Variants in PURA observed in about 807,000 individuals in gnomAD.
The protein encoded by PURA is purine rich element binding protein A, also known as transcriptional activator protein Pur-alpha.
PURA carries 2 observed loss-of-function variants against 23.1 expected under a neutral mutation model. That is an observed-to-expected ratio of 0.09 (90% CI 0.04 to 0.27). PURA has a LOEUF of 0.27. Ranked by LOEUF, PURA falls within the 10% of genes least tolerant of loss-of-function variation. The probability of loss-of-function intolerance (pLI) is 1.00; values close to 1 mark genes in which losing one functional copy is unlikely to be tolerated. For synonymous variants in PURA, 254 were observed against 205.9 expected, an observed-to-expected ratio of 1.23 and a Z score of -2.00; for missense variants, 187 against 449.7, an observed-to-expected ratio of 0.42 and a Z score of 5.28.
rs956429207 is a variant in PURA, at chr5:140,123,129, A to G, written c.*7979A>G. Reference sequence around the variant, plus strand: ...ATTGTGTCAGATTTTAAATTATAATAGTTATATACTATAACTCATTTAAGT... The same window carrying G: ...ATTGTGTCAGATTTTAAATTATAATGGTTATATACTATAACTCATTTAAGT... On this transcript the variant is annotated 3_prime_UTR_variant, in exon 1 of 1. Coordinates refer to ENST00000331327, the MANE Select transcript of PURA (RefSeq NM_005859.5). 6.0e-6 allele frequency: 1 copy of G among 166,946 alleles called. No individual in the cohort carries two copies. Among genetic ancestry groups the G allele is most frequent in the Non-Finnish European group, 1.5e-5 (1 of 68,036 alleles). 10.3% of individuals were successfully genotyped at this position (166,946 alleles called of 1,614,324 possible).
rs545287968 is a variant in PURA, at chr5:140,115,441, A to C, written c.*291A>C. 4.4e-6 allele frequency: 1 copy of C among 227,662 alleles called. No homozygotes were observed. Among genetic ancestry groups the C allele is most frequent in the Non-Finnish European group, 9.2e-6 (1 of 108,356 alleles). 14.1% of individuals were successfully genotyped at this position (227,662 alleles called of 1,614,324 possible). A position where few individuals can be genotyped will look rare whatever the true frequency, so the allele number is the denominator to read the frequency against. ...TACAAAAAGTAATAACATTATATGA[A>C]CTGTGTTTCCTACTTGATTAAAAAA... On this transcript the variant is annotated 3_prime_UTR_variant, in exon 1 of 1. Coordinates refer to ENST00000331327, the MANE Select transcript of PURA (RefSeq NM_005859.5). This position sits in a 1 kb window ranked among gnomAD's most constrained non-coding sequence, Gnocchi z 4.1.
chr5:140,115,180 C>A lies in PURA; in HGVS notation c.*30C>A. 1 of 1,198,122 alleles carries A rather than the reference C, an allele frequency of 8.3e-7. No homozygotes were observed. Among genetic ancestry groups the A allele is most frequent in the African/African-American group, 1.5e-5 (1 of 64,952 alleles). The allele number at this position is 1,198,122 out of a possible 1,614,324, so 74.2% of individuals were successfully genotyped here. ...ACTGAATGAAACCCCCACACACACA[C>A]ACATGCATACACACACACACACAGC... On this transcript the variant is annotated 3_prime_UTR_variant, in exon 1 of 1. Coordinates refer to ENST00000331327, the MANE Select transcript of PURA (RefSeq NM_005859.5). The surrounding 1 kb of genome is among the most constrained non-coding windows in gnomAD (Gnocchi z 4.1).
chr5:140,114,406 G>C lies in PURA; in HGVS notation c.225G>C (p.Leu75=). The C allele has an allele frequency of 6.2e-7, 1 of 1,612,588 alleles. No individual in the cohort carries two copies. Among genetic ancestry groups the C allele is most frequent in the Non-Finnish European group, 8.5e-7 (1 of 1,179,734 alleles). The change falls in exon 1 of 1, where the codon CTG becomes CTC. Residue 75 remains leucine (L), a synonymous_variant. Coordinates refer to ENST00000331327, the MANE Select transcript of PURA (RefSeq NM_005859.5). ...ACATCCAGAACAAGCGCTTCTACCT[G>C]GACGTGAAGCAGAACGCCAAGGGCC... The part of the protein sequence containing the change: ...RVDIQNKRFY[L]DVKQNAKGRF...
In PURA at chr5:140,119,314, AAC is replaced by A. The variant is rs1763124091; in HGVS notation, c.*4166_*4167del. 6.0e-6 allele frequency: 1 copy of A among 166,846 alleles called. No homozygotes were observed. Among genetic ancestry groups the A allele is most frequent in the African/African-American group, 2.4e-5 (1 of 41,438 alleles). 10.3% of individuals were successfully genotyped at this position (166,846 alleles called of 1,614,324 possible). A position where few individuals can be genotyped will look rare whatever the true frequency, so the allele number is the denominator to read the frequency against. ...AAATTTTTAGGTATTTAATTTGTAA[AAC>A]AGTTTGCTTTGTACTGGCATACAGA... On this transcript the variant is annotated 3_prime_UTR_variant, in exon 1 of 1. Transcript: ENST00000331327.
rs1472933044 is a variant in PURA, at chr5:140,117,706, T to C, written c.*2556T>C. The C allele has an allele frequency of 6.0e-6, 1 of 165,974 alleles. No individual in the cohort carries two copies. Among genetic ancestry groups the C allele is most frequent in the Non-Finnish European group, 1.5e-5 (1 of 68,112 alleles). The allele number at this position is 165,974 out of a possible 1,614,324, so 10.3% of individuals were successfully genotyped here. On this transcript the variant is annotated 3_prime_UTR_variant, in exon 1 of 1. Coordinates refer to ENST00000331327, the MANE Select transcript of PURA (RefSeq NM_005859.5). ...CCTTTCTTATCTATAGACTTCAGAT[T>C]CTGCTTGGAATCCCACCGGCTCAAG...
Position 140,122,038 on chromosome 5 carries a change from C to G in PURA, c.*6888C>G. The G allele has an allele frequency of 6.0e-6, 1 of 166,772 alleles. No individual in the cohort carries two copies. The allele number at this position is 166,772 out of a possible 1,614,324, so 10.3% of individuals were successfully genotyped here. On this transcript the variant is annotated 3_prime_UTR_variant, in exon 1 of 1. Coordinates refer to ENST00000331327, the MANE Select transcript of PURA (RefSeq NM_005859.5). ...TTCACTAAGGAAGTTTCAATAAAGC[C>G]AGAGAAAATGGGTCCCTCATTGATT...
chr5:140,125,219 T>C lies in PURA; in HGVS notation c.*10069T>C, dbSNP rs1316374891. The C allele has an allele frequency of 6.0e-6, 1 of 166,946 alleles. No individual in the cohort carries two copies. The highest frequency in any genetic ancestry group is 2.4e-5 in the African/African-American group (1 of 41,444). The allele number at this position is 166,946 out of a possible 1,614,324, so 10.3% of individuals were successfully genotyped here. ...TCTTCTGAAACCCAAGTTAAAGATC[T>C]CTGCTCTAAGTAAATTGTAGAGAAT... On this transcript the variant is annotated 3_prime_UTR_variant, in exon 1 of 1. Transcript: ENST00000331327.
At position 140,120,253 on chromosome 5, in the gene PURA, A is replaced by G. The variant is rs563256293; in HGVS notation, c.*5103A>G. ...ATGTATATATACATTGTGTGTGTGT[A>G]TATGTATATAGATACACACATCTCC... On this transcript the variant is annotated 3_prime_UTR_variant, in exon 1 of 1. Transcript: ENST00000331327. 1.2e-5 allele frequency: 2 copies of G among 166,932 alleles called. No homozygotes were observed. The highest frequency in any genetic ancestry group is 3.9e-4 in the East Asian group (2 of 5,192). The allele number at this position is 166,932 out of a possible 1,614,324, so 10.3% of individuals were successfully genotyped here.
Position 140,125,509 on chromosome 5 carries a change from A to G in PURA, c.*10359A>G. 1.2e-5 allele frequency: 2 copies of G among 167,158 alleles called. No individual in the cohort carries two copies. The allele number at this position is 167,158 out of a possible 1,614,324, so 10.4% of individuals were successfully genotyped here. A position where few individuals can be genotyped will look rare whatever the true frequency, so the allele number is the denominator to read the frequency against. On this transcript the variant is annotated 3_prime_UTR_variant, in exon 1 of 1. Coordinates refer to ENST00000331327, the MANE Select transcript of PURA (RefSeq NM_005859.5). ...ACAATTTCTAGCAGGGTAGAGTTTGATAAACCACAATGCTCAGGATGCCAA... is the reference window on the plus strand; with the variant it reads ...ACAATTTCTAGCAGGGTAGAGTTTGGTAAACCACAATGCTCAGGATGCCAA...
In PURA at chr5:140,114,201, G is replaced by T. The variant is rs1763034584; in HGVS notation, c.20G>T (p.Gly7Val). MADRDS[G>V]SEQGGAALGS... ...AGCATCATGGCGGACCGAGACAGCG[G>T]CAGCGAGCAGGGTGGTGCGGCGCTG... Residue 7 changes from glycine (G) to valine (V), a missense_variant, in exon 1 of 1, where the codon GGC becomes GTC. Gly to Val is a moderately radical substitution (Grantham distance 109, BLOSUM62 -3). Transcript: ENST00000331327. The T allele has an allele frequency of 2.3e-6, 2 of 878,868 alleles. No individual in the cohort carries two copies. The highest frequency in any genetic ancestry group is 2.9e-6 in the Non-Finnish European group (2 of 678,478). The allele number at this position is 878,868 out of a possible 1,614,324, so 54.4% of individuals were successfully genotyped here. A position where few individuals can be genotyped will look rare whatever the true frequency, so the allele number is the denominator to read the frequency against.
rs1156498095 is a variant in PURA at position 140,114,259 on chromosome 5, G to A, written c.78G>A (p.Ser26=). Residue 26 remains serine, a synonymous_variant, in exon 1 of 1, where the codon TCG becomes TCA. Coordinates refer to ENST00000331327, the MANE Select transcript of PURA (RefSeq NM_005859.5). The part of the protein sequence containing the change: ...GSGGSLGHPG[S]GSGSGGGGGG... Reference sequence around the variant, plus strand: ...GCGGCTCCCTGGGGCACCCCGGCTCGGGCTCAGGCTCCGGCGGGGGCGGTG... The same window carrying A: ...GCGGCTCCCTGGGGCACCCCGGCTCAGGCTCAGGCTCCGGCGGGGGCGGTG... The A allele has an allele frequency of 5.0e-6, 6 of 1,209,818 alleles. No homozygotes were observed. Among genetic ancestry groups the A allele is most frequent in the African/African-American group, 1.6e-5 (1 of 62,434 alleles). 74.9% of individuals were successfully genotyped at this position (1,209,818 alleles called of 1,614,324 possible).
rs999805175 is a variant in PURA, at chr5:140,117,667, T to C, written c.*2517T>C. On this transcript the variant is annotated 3_prime_UTR_variant, in exon 1 of 1. Transcript: ENST00000331327. ...ATGAGGTTTTCTTTAGGGCCAGAGT[T>C]ACCTAAAGTGAAGCCTTTCTTATCT... The C allele has an allele frequency of 1.8e-5, 3 of 166,774 alleles. No homozygotes were observed. The highest frequency in any genetic ancestry group is 2.9e-5 in the Non-Finnish European group (2 of 68,098). The allele number at this position is 166,774 out of a possible 1,614,324, so 10.3% of individuals were successfully genotyped here.
Position 140,117,574 on chromosome 5 carries a change from T to C in PURA, c.*2424T>C, listed in dbSNP as rs1763100664. 1.2e-5 allele frequency: 2 copies of C among 167,020 alleles called. No individual in the cohort carries two copies. Among genetic ancestry groups the C allele is most frequent in the South Asian group, 2.1e-4 (1 of 4,824 alleles). 10.3% of individuals were successfully genotyped at this position (167,020 alleles called of 1,614,324 possible). A position where few individuals can be genotyped will look rare whatever the true frequency, so the allele number is the denominator to read the frequency against. ...CTGTTTCATAGTAGCCAGCAATAAG[T>C]AGTGCAAGTCAACAAAAACACAGCA... On this transcript the variant is annotated 3_prime_UTR_variant, in exon 1 of 1. Coordinates refer to ENST00000331327, the MANE Select transcript of PURA (RefSeq NM_005859.5).
In PURA at chr5:140,124,488, T is replaced by C. The variant is rs1201930719; in HGVS notation, c.*9338T>C. On this transcript the variant is annotated 3_prime_UTR_variant, in exon 1 of 1. Coordinates refer to ENST00000331327, the MANE Select transcript of PURA (RefSeq NM_005859.5). ...TGAAATGAGAAAGTCCTTTATAACA[T>C]AGTGTGAATGTTTGTGGCCAATTCA... 1 of 166,868 alleles carries C rather than the reference T, an allele frequency of 6.0e-6. No homozygotes were observed. Among genetic ancestry groups the C allele is most frequent in the African/African-American group, 2.4e-5 (1 of 41,252 alleles). The allele number at this position is 166,868 out of a possible 1,614,324, so 10.3% of individuals were successfully genotyped here. A position where few individuals can be genotyped will look rare whatever the true frequency, so the allele number is the denominator to read the frequency against.
Position 140,114,625 on chromosome 5 carries a change from G to A in PURA, c.444G>A (p.Leu148=), listed in dbSNP as rs2126749091. ...EPRRALKSEF[L]VRENRKYYMD... is the part of the protein sequence containing the mutation. The stretch of plus-strand genomic sequence containing the variant: ...GCCGGGCGCTCAAAAGCGAGTTCCT[G>A]GTGCGCGAGAACCGCAAGTACTACA... The change falls in exon 1 of 1, where the codon CTG becomes CTA. Residue 148 remains leucine (L), a synonymous_variant. Coordinates refer to ENST00000331327, the MANE Select transcript of PURA (RefSeq NM_005859.5). 1 of 1,609,226 alleles carries A rather than the reference G, an allele frequency of 6.2e-7. No homozygotes were observed.
rs147500252 is a variant in PURA, at chr5:140,120,867, G to A, written c.*5717G>A. On this transcript the variant is annotated 3_prime_UTR_variant, in exon 1 of 1. Coordinates refer to ENST00000331327, the MANE Select transcript of PURA (RefSeq NM_005859.5). ...ATAACTACTCATTCATTTTTATTTT[G>A]TCCCCACGTTTGGTATTTGTTTTGT... 247 of 166,398 alleles carry A rather than the reference G, an allele frequency of 1.5e-3. No homozygotes were observed. Among genetic ancestry groups the A allele is most frequent in the Middle Eastern group, 6.8e-3 (2 of 296 alleles). 10.3% of individuals were successfully genotyped at this position (166,398 alleles called of 1,614,324 possible).
At position 140,123,695 on chromosome 5, in the gene PURA, A is replaced by G. The variant is rs1355925453; in HGVS notation, c.*8545A>G. Reference sequence around the variant, plus strand: ...TTTATTAAACTGTTTAAATAGACAAAGTTAAAGCTTAGGATAGGGAATATA... The same window carrying G: ...TTTATTAAACTGTTTAAATAGACAAGGTTAAAGCTTAGGATAGGGAATATA... On this transcript the variant is annotated 3_prime_UTR_variant, in exon 1 of 1. Coordinates refer to ENST00000331327, the MANE Select transcript of PURA (RefSeq NM_005859.5). 6.0e-6 allele frequency: 1 copy of G among 166,988 alleles called. No homozygotes were observed. The highest frequency in any genetic ancestry group is 1.5e-5 in the Non-Finnish European group (1 of 68,088). The allele number at this position is 166,988 out of a possible 1,614,324, so 10.3% of individuals were successfully genotyped here.
chr5:140,123,978 G>A lies in PURA; in HGVS notation c.*8828G>A, dbSNP rs1763178648. On this transcript the variant is annotated 3_prime_UTR_variant, in exon 1 of 1. Coordinates refer to ENST00000331327, the MANE Select transcript of PURA (RefSeq NM_005859.5). The stretch of plus-strand genomic sequence containing the variant: ...GTTGTTATATTGAATATTCCTTTTT[G>A]GAATTCAGGGTTGAATCACTTTGAG... 1.2e-5 allele frequency: 2 copies of A among 166,840 alleles called. No homozygotes were observed. Among genetic ancestry groups the A allele is most frequent in the African/African-American group, 4.8e-5 (2 of 41,392 alleles). The allele number at this position is 166,840 out of a possible 1,614,324, so 10.3% of individuals were successfully genotyped here.
In PURA at chr5:140,115,114, G is replaced by C; in HGVS notation, c.933G>C (p.Leu311=). 6.2e-7 allele frequency: 1 copy of C among 1,600,960 alleles called. No homozygotes were observed. The highest frequency in any genetic ancestry group is 1.1e-5 in the South Asian group (1 of 89,674). ...QQQEETAAAT[L]LLQGEEEGEE... ...AGGAGGAGACCGCCGCTGCCACCCT[G>C]CTACTGCAGGGTGAGGAAGAAGGGG... Residue 311 remains leucine, a synonymous_variant, in exon 1 of 1, where the codon CTG becomes CTC. Coordinates refer to ENST00000331327, the MANE Select transcript of PURA (RefSeq NM_005859.5). This position sits in a 1 kb window ranked among gnomAD's most constrained non-coding sequence, Gnocchi z 4.1.
Sources: allele counts gnomAD v4.1 joint callset, GRCh38; gene constraint gnomAD v4.1.1; non-coding constraint Gnocchi (gnomAD v3.1); transcripts MANE v1.5; gene names NCBI Gene and HGNC (gene_info 2026-07-23, HGNC 2026-07-21).